The following LDHC variants were observed in gnomAD, a reference collection of about 807,000 sequenced individuals.
LDHC encodes lactate dehydrogenase C.
LDHC carries 20 observed loss-of-function variants against 30.2 expected under a neutral mutation model. The ratio of observed to expected loss-of-function variants is 0.66; its 90% CI spans 0.47 to 0.96. LDHC has a LOEUF of 0.96. Among genes scored for constraint, LDHC ranks in the 40% least tolerant of loss-of-function variants. LDHC has a pLI of 0.00. For synonymous variants in LDHC, 139 were observed against 132.7 expected, an observed-to-expected ratio of 1.05 and a Z score of -0.32; for missense variants, 362 against 394.9, an observed-to-expected ratio of 0.92 and a Z score of 0.71.
intron 3 of LDHC, among the ~76,000 whole-genome samples, chr11:18,427,677 A>AT (rs34480310): frequency 2.0e-3 from 261 of 129,932 alleles, no homozygotes; most frequent in African/African-American, 5.4e-3. Flanking sequence ...TTGGAGCCAG[A>AT]TTTTTTTTTT....
At chr11:18,425,158 A>G (rs1204499413) in intron 3 of LDHC, among the ~76,000 whole-genome samples, 1 of 151,694 alleles carries the variant, frequency 6.6e-6, no homozygotes, top group African/African-American at 2.4e-5. Flanking sequence ...AGGTGTTGAC[A>G]ATGTTCTATA....
intron 3 of LDHC, among the ~76,000 whole-genome samples, chr11:18,420,413 G>A (rs1867099228): frequency 6.6e-6 from 1 of 152,080 alleles, no homozygotes; most frequent in South Asian, 2.1e-4. Context: ...AAAATTGTCA[G>A]AGAGAACATA....
rs759039260 is a variant in LDHC at position 18,412,745 on chromosome 11, G to C, written c.28G>C (p.Glu10Gln). The C allele has an allele frequency of 1.2e-6, 2 of 1,613,792 alleles. No homozygotes were observed. The highest frequency in any genetic ancestry group is 2.7e-5 in the African/African-American group (2 of 74,944). ...GTCAACTGTCAAGGAGCAGCTAATT[G>C]AGAAGCTAATTGAGGATGATGAAAA... is the stretch of plus-strand genomic sequence containing the variant. MSTVKEQLI[E>Q]KLIEDDENSQ... The change falls in exon 2 of 8, where the codon GAG (glutamate) becomes CAG (glutamine). Residue 10 changes from glutamate (E) to glutamine (Q), a missense_variant. Glu to Gln is a conservative substitution (Grantham distance 29). Coordinates refer to ENST00000541669, the MANE Select transcript of LDHC (RefSeq NM_017448.5).
intron 3 of LDHC, among the ~76,000 whole-genome samples, chr11:18,424,327 AGCCT>A (rs1848123249): frequency 6.6e-6 from 1 of 152,050 alleles, no homozygotes; most frequent in African/African-American, 2.4e-5. Context: ...GGTTGCAGTG[AGCCT>A]AGATCGCGCC....
In LDHC at chr11:18,434,848, A is replaced by G. The variant is rs1171190604; in HGVS notation, c.527A>G (p.Glu176Gly). ...DSARFRYLIG[E>G]KLGVHPTSCH... ...GCCCGTTTCCGTTACCTAATTGGAG[A>G]AAAGTTGGGTGTCCACCCCACAAGC... Residue 176 changes from glutamate (E) to glycine (G), a missense_variant, in exon 5 of 8, where the codon GAA (glutamate) becomes GGA (glycine). Physicochemically the swap from Glu to Gly is moderately conservative, Grantham distance 98. Transcript: ENST00000541669. 4 of 1,613,130 alleles carry G rather than the reference A, an allele frequency of 2.5e-6. No homozygotes were observed. The highest frequency in any genetic ancestry group is 1.3e-5 in the African/African-American group (1 of 74,908).
chr11:18,430,196 C>T (rs1848240507), intron 4 of LDHC, among the ~76,000 whole-genome samples: 1 of 152,116 alleles, frequency 6.6e-6, no homozygotes, highest in South Asian at 2.1e-4. Flanking sequence ...TGAAATCATG[C>T]TGAATGTAAT....
At chr11:18,415,067 A>AT (rs773117578) in intron 2 of LDHC, 117 bp from the exon 3 acceptor site, 4 of 567,248 alleles carry the variant, frequency 7.1e-6, no homozygotes, top group Non-Finnish European at 1.3e-5. Flanking sequence ...TTTTTATATC[A>AT]TTTTTCCCTA....
intron 3 of LDHC, 97 bp downstream of exon 3, chr11:18,415,398 C>A: frequency 3.0e-6 from 2 of 660,258 alleles, no homozygotes; most frequent in South Asian, 2.0e-5. Context: ...AAAAATAGCA[C>A]CATGCCATTG....
intron 6 of LDHC, 71 bp downstream of exon 6, chr11:18,438,716 CA>C (rs570176371): frequency 3.7e-4 from 285 of 777,480 alleles, no homozygotes; most frequent in Middle Eastern, 2.4e-3. Flanking sequence ...GGACAAAAAT[CA>C]AGTAGTTGAT....
chr11:18,450,978 A>C lies in LDHC; in HGVS notation c.850A>C (p.Lys284Gln), dbSNP rs117703340. The change falls in exon 8 of 8, where the codon AAA becomes CAA. Residue 284 changes from lysine to glutamine, a missense_variant. Lys to Gln is a moderately conservative substitution (Grantham distance 53, BLOSUM62 1). Coordinates refer to ENST00000541669, the MANE Select transcript of LDHC (RefSeq NM_017448.5). ...STMVKGLYGIKEELFLSIPCV... is the reference protein window; with the variant it reads ...STMVKGLYGIQEELFLSIPCV... ...TGCCTTTCAGGGATTATATGGAATA[A>C]AAGAAGAACTCTTTCTCAGTATCCC... The C allele has an allele frequency of 1.3e-6, 2 of 1,588,842 alleles. No homozygotes were observed. Among genetic ancestry groups the C allele is most frequent in the East Asian group, 2.3e-5 (1 of 44,154 alleles).
intron 6 of LDHC, among the ~76,000 whole-genome samples, chr11:18,444,603 G>GAT (rs1565057770): frequency 6.6e-5 from 5 of 75,592 alleles, no homozygotes; most frequent in Admixed American, 1.7e-4. Flanking sequence ...GTGTTCAGGT[G>GAT]GTATATATAT....
intron 3 of LDHC, among the ~76,000 whole-genome samples, chr11:18,422,529 G>C (rs972906185): frequency 6.6e-6 from 1 of 151,060 alleles, no homozygotes; most frequent in Non-Finnish European, 1.5e-5. Context: ...ACTCCAGCCT[G>C]GGCAACAGAG....
At chr11:18,424,855 A>G (rs894164338) in intron 3 of LDHC, among the ~76,000 whole-genome samples, 4 of 152,108 alleles carry the variant, frequency 2.6e-5, no homozygotes, top group South Asian at 4.1e-4. Context: ...TAAAAATACA[A>G]AAATTAGCTG....
At chr11:18,430,654 A>C (rs1187974333) in intron 4 of LDHC, among the ~76,000 whole-genome samples, 1 of 152,058 alleles carries the variant, frequency 6.6e-6, no homozygotes, top group African/African-American at 2.4e-5. Flanking sequence ...GAGCCACTGC[A>C]CCCAGCCATT....
chr11:18,443,519 G>T (rs1040723110), intron 6 of LDHC, among the ~76,000 whole-genome samples: 5 of 150,300 alleles, frequency 3.3e-5, no homozygotes, highest in Admixed American at 2.7e-4. Flanking sequence ...GAGTGTAGTG[G>T]CATGATCTTG....
chr11:18,425,469 C>T (rs746938910), intron 3 of LDHC, among the ~76,000 whole-genome samples: 8 of 152,042 alleles, frequency 5.3e-5, no homozygotes, highest in Non-Finnish European at 1.0e-4. Flanking sequence ...CAATCTCTGC[C>T]TCCCAGGTTC....
At chr11:18,414,494 C>T (rs1335228519) in intron 2 of LDHC, among the ~76,000 whole-genome samples, 1 of 152,134 alleles carries the variant, frequency 6.6e-6, no homozygotes, top group East Asian at 1.9e-4. Flanking sequence ...ATACTAAAAG[C>T]AGCTTTAGCC....
At chr11:18,422,518 C>T (rs1005901439) in intron 3 of LDHC, among the ~76,000 whole-genome samples, 1 of 149,926 alleles carries the variant, frequency 6.7e-6, no homozygotes, top group Admixed American at 6.7e-5. Context: ...TGTGGCAGTG[C>T]ACTCCAGCCT....
intron 3 of LDHC, among the ~76,000 whole-genome samples, chr11:18,421,720 G>C (rs1848056430): frequency 6.6e-6 from 1 of 152,010 alleles, no homozygotes; most frequent in Non-Finnish European, 1.5e-5. Context: ...TGTTGCCCAG[G>C]CTGGTCTCAA....
Sources: allele counts gnomAD v4.1 joint callset (sites outside exome capture counted in the v4.1 genomes callset), GRCh38; gene constraint gnomAD v4.1.1; transcripts MANE v1.5; gene names NCBI Gene and HGNC (gene_info 2026-07-23, HGNC 2026-07-21).